The following ALS2CL variants were observed in gnomAD, a reference collection of about 807,000 sequenced individuals.
ALS2CL encodes the protein ALS2 C-terminal-like protein.
In ALS2CL, 112 loss-of-function variants were observed where a neutral mutation model predicts 127.9. That is an observed-to-expected ratio of 0.88 (90% CI 0.75 to 1.02). The LOEUF (loss-of-function observed/expected upper bound fraction) is 1.02. ALS2CL is among the 50% of genes least tolerant of loss of function. The pLI, the probability that ALS2CL is intolerant of heterozygous loss-of-function variation, is 0.00. For missense variants in ALS2CL, 1,174 were observed against 1,236.7 expected (o/e 0.95, Z 0.76); for synonymous variants, 519 against 527.6 (o/e 0.98, Z 0.22).
intron 20 of ALS2CL, chr3:46,674,971 A>T (rs554929860): frequency 5.1e-5 from 23 of 451,260 alleles, no homozygotes; most frequent in Admixed American, 8.1e-5. Flanking sequence ...GTGGGGCAGG[A>T]GTTGGATCCC....
chr3:46,677,364 C>T (rs965097043), intron 16 of ALS2CL: 1 of 1,111,158 alleles, frequency 9.0e-7, no homozygotes, highest in Non-Finnish European at 1.1e-6. Flanking sequence ...TGGGATTCCC[C>T]TCCAAGACAT....
At chr3:46,672,925 G>A (rs912648464) in intron 22 of ALS2CL, among the ~76,000 whole-genome samples, 6 of 152,192 alleles carry the variant, frequency 3.9e-5, no homozygotes, top group African/African-American at 1.2e-4. Context: ...TTAGTCACTT[G>A]AACCCGGGAG....
intron 16 of ALS2CL, among the ~76,000 whole-genome samples, chr3:46,677,632 T>G (rs1698968112): frequency 6.6e-6 from 1 of 152,218 alleles, no homozygotes; most frequent in African/African-American, 2.4e-5. Context: ...TCCCTACATC[T>G]GAAATGCTGC....
In ALS2CL at chr3:46,676,961, G is replaced by C; in HGVS notation, c.1819C>G (p.Arg607Gly). Residue 607 changes from arginine to glycine, a missense_variant, in exon 17 of 26, where the codon CGG (arginine) becomes GGG (glycine). Coordinates refer to ENST00000318962, the MANE Select transcript of ALS2CL (RefSeq NM_147129.5). ...GGGCAGCCAGCACACACAAAGTCCC[G>C]GAAGGGGCTGTAGACTCCCTGCCAG... The part of the protein sequence containing the change: ...SRWQGVYSPF[R>G]DFVCAGCPRD... 6.2e-7 allele frequency: 1 copy of C among 1,613,498 alleles called. No homozygotes were observed. Among genetic ancestry groups the C allele is most frequent in the East Asian group, 2.2e-5 (1 of 44,876 alleles).
chr3:46,671,830 G>C, intron 24 of ALS2CL, 54 bp downstream of exon 24: 2 of 1,606,270 alleles, frequency 1.2e-6, no homozygotes, highest in South Asian at 2.2e-5. Flanking sequence ...AGATATCGTG[G>C]TTGGGGGTGG....
In ALS2CL at chr3:46,688,257, C is replaced by T. The variant is rs754269750; in HGVS notation, c.143G>A (p.Arg48Gln). ...GCTCTTGTGCAGCTGTTGCAAGAGC[C>T]GCAGGCACTCTCTGCCCCAGGGATC... ...PSDPWGRECLRLLQQLHKSSQ... is the reference protein window; with the variant it reads ...PSDPWGRECLQLLQQLHKSSQ... The change falls in exon 3 of 26, where the codon CGG (arginine) becomes CAG (glutamine). Residue 48 changes from arginine to glutamine, a missense_variant. Transcript: ENST00000318962. 29 of 1,612,758 alleles carry T rather than the reference C, an allele frequency of 1.8e-5. No individual in the cohort carries two copies. The highest frequency in any genetic ancestry group is 7.6e-6 in the Non-Finnish European group (9 of 1,179,984).
At chr3:46,676,132 C>A in intron 19 of ALS2CL, 113 bp downstream of exon 19, 1 of 1,484,796 alleles carries the variant, frequency 6.7e-7, no homozygotes. Flanking sequence ...GCCTCTGGTT[C>A]ATTGTTGAAT....
chr3:46,686,951 C>G lies in ALS2CL; in HGVS notation c.534+32G>C. On this transcript the variant is annotated intron_variant, in intron 5 of 25. Transcript: ENST00000318962. This position sits in a 1 kb window ranked among gnomAD's most constrained non-coding sequence, Gnocchi z 4.3. Reference sequence around the variant, plus strand: ...GGGCCCTATCCCTCCCTTCCCTCGGCTTCCCCACATGCTGCTGCCCCTGGT... The same window carrying G: ...GGGCCCTATCCCTCCCTTCCCTCGGGTTCCCCACATGCTGCTGCCCCTGGT... 6.5e-7 allele frequency: 1 copy of G among 1,548,662 alleles called. No individual in the cohort carries two copies.
rs148624534 is a variant in ALS2CL, at chr3:46,683,844, T to G, written c.850A>C (p.Thr284Pro). 37 of 1,613,994 alleles carry G rather than the reference T, an allele frequency of 2.3e-5. No individual in the cohort carries two copies. The highest frequency in any genetic ancestry group is 3.1e-5 in the Non-Finnish European group (36 of 1,180,018). ...TCTTCGGGCGTGAGGAGGTGAAACG[T>G]GCACCTAGACAGACGGAGGTGATGA... ...VWVDPGQDGCTFHLLTPEEEF... is the reference protein window; with the variant it reads ...VWVDPGQDGCPFHLLTPEEEF... Residue 284 changes from threonine to proline, a missense_variant, in exon 9 of 26, where the codon ACG (threonine) becomes CCG (proline). By Grantham distance (38) the Thr-to-Pro change is conservative. Transcript: ENST00000318962.
At chr3:46,672,546 G>C (rs575051553) in intron 22 of ALS2CL, among the ~76,000 whole-genome samples, 2 of 152,134 alleles carry the variant, frequency 1.3e-5, no homozygotes, top group Non-Finnish European at 2.9e-5. Flanking sequence ...ACAGGTTCCC[G>C]GGCCCACTCC....
intron 2 of ALS2CL, 35 bp from the exon 3 acceptor site, chr3:46,688,331 G>A (rs1346681109): frequency 2.5e-6 from 4 of 1,594,498 alleles, no homozygotes; most frequent in African/African-American, 1.3e-5. Context: ...GTGAGTAGAG[G>A]ACGTGGGCTC....
At chr3:46,678,839 G>A (rs1463285367) in intron 15 of ALS2CL, among the ~76,000 whole-genome samples, 1 of 152,226 alleles carries the variant, frequency 6.6e-6, no homozygotes, top group African/African-American at 2.4e-5. Flanking sequence ...GCTCCAGCGG[G>A]GACACATTGC....
At chr3:46,685,284 G>A (rs112981255) in intron 7 of ALS2CL, among the ~76,000 whole-genome samples, 4 of 152,300 alleles carry the variant, frequency 2.6e-5, no homozygotes, top group Non-Finnish European at 5.9e-5. Flanking sequence ...TGTAACCAAG[G>A]ACACCAGCTG....
chr3:46,680,788 G>A, intron 13 of ALS2CL: 3 of 558,984 alleles, frequency 5.4e-6, no homozygotes, highest in Non-Finnish European at 9.7e-6. Flanking sequence ...AGGACAGGGG[G>A]AATAGGAGTG....
chr3:46,681,969 G>A lies in ALS2CL; in HGVS notation c.1175+60C>T. On this transcript the variant is annotated intron_variant, in intron 11 of 25. Coordinates refer to ENST00000318962, the MANE Select transcript of ALS2CL (RefSeq NM_147129.5). This position sits in a 1 kb window ranked among gnomAD's most constrained non-coding sequence, Gnocchi z 4.9. The stretch of plus-strand genomic sequence containing the variant: ...GGGCCGGGCTGGTGACCACAGCAGG[G>A]GAGGAAAGCACCCTTCAGCCCACTG... 2.5e-6 allele frequency: 4 copies of A among 1,579,084 alleles called. No individual in the cohort carries two copies. The Admixed American group carries it at 7.0e-5, about 27-fold the overall frequency.
chr3:46,689,908 G>A (rs961568726), intron 1 of ALS2CL, among the ~76,000 whole-genome samples: 1 of 152,198 alleles, frequency 6.6e-6, no homozygotes, highest in Non-Finnish European at 1.5e-5. Flanking sequence ...TCCCAGCCCT[G>A]TCCTCTAGCC....
At chr3:46,679,429 G>T in intron 14 of ALS2CL, 142 bp from the exon 15 acceptor site, 1 of 686,140 alleles carries the variant, frequency 1.5e-6, no homozygotes, top group Non-Finnish European at 2.4e-6. Context: ...CGCCCCACAG[G>T]ACTGTACCTA....
chr3:46,686,296 C>A lies in ALS2CL; in HGVS notation c.666+12G>T, dbSNP rs114487642. On this transcript the variant is annotated intron_variant, in intron 6 of 25. Coordinates refer to ENST00000318962, the MANE Select transcript of ALS2CL (RefSeq NM_147129.5). The surrounding 1 kb of genome is among the most constrained non-coding windows in gnomAD (Gnocchi z 4.3). ...ACCCCCTCCCTAACTGCCCCTCAGG[C>A]CCCCAACTCACCCTCAGCCGGCCTC... 1.6e-3 allele frequency: 2,545 copies of A among 1,602,342 alleles called. 45 individuals carry two copies. The African/African-American group carries it at 0.03, about 19-fold the overall frequency.
chr3:46,676,205 G>A, intron 19 of ALS2CL, 40 bp downstream of exon 19: 1 of 1,597,032 alleles, frequency 6.3e-7, no homozygotes, highest in Non-Finnish European at 8.5e-7. Flanking sequence ...GCACACTAGT[G>A]TCACAGGGCA....
Sources: allele counts gnomAD v4.1 joint callset (sites outside exome capture counted in the v4.1 genomes callset), GRCh38; gene constraint gnomAD v4.1.1; non-coding constraint Gnocchi (gnomAD v3.1); transcripts MANE v1.5; gene names NCBI Gene and HGNC (gene_info 2026-07-23, HGNC 2026-07-21).